Variants in MGMT observed in about 807,000 individuals in gnomAD.
The protein encoded by MGMT is O-6-methylguanine-DNA methyltransferase.
In MGMT, 14 loss-of-function variants were observed where a neutral mutation model predicts 15.9. That is an observed-to-expected ratio of 0.88 (90% confidence interval 0.58 to 1.37). The LOEUF (loss-of-function observed/expected upper bound fraction) is 1.37, where lower values mean the gene tolerates loss of function less well. MGMT is among the 40% of genes most tolerant of loss of function. The probability of loss-of-function intolerance (pLI) is 0.00; values close to 1 mark genes in which losing one functional copy is unlikely to be tolerated. For missense variants in MGMT, 282 were observed against 268.1 expected, an observed-to-expected ratio of 1.05 and a Z score of -0.36; for synonymous variants, 130 against 118.2, an observed-to-expected ratio of 1.10 and a Z score of -0.65.
intron 2 of MGMT, among the ~76,000 whole-genome samples, chr10:129,692,820 T>A (rs1847984742): frequency 6.6e-6 from 1 of 152,192 alleles, no homozygotes; most frequent in Admixed American, 6.5e-5. Flanking sequence ...ACAGGCTGTC[T>A]TTGGAGCAGT....
At chr10:129,605,992 G>A (rs1454960247) in intron 2 of MGMT, among the ~76,000 whole-genome samples, 1 of 152,082 alleles carries the variant, frequency 6.6e-6, no homozygotes, top group Non-Finnish European at 1.5e-5. Context: ...GATTTGTTGT[G>A]GGATTTGTGA....
At chr10:129,523,952 C>T (rs1156628200) in intron 1 of MGMT, among the ~76,000 whole-genome samples, 1 of 152,186 alleles carries the variant, frequency 6.6e-6, no homozygotes, top group Non-Finnish European at 1.5e-5. Flanking sequence ...TTGGAAGTGT[C>T]CGCTCAGACA....
chr10:129,523,378 T>A (rs1845834066), intron 1 of MGMT, among the ~76,000 whole-genome samples: 1 of 150,632 alleles, frequency 6.6e-6, no homozygotes, highest in Admixed American at 6.7e-5. Context: ...AGGGAAAACA[T>A]GGTGTTCTCT....
chr10:129,681,984 A>G (rs1847858309), intron 2 of MGMT, among the ~76,000 whole-genome samples: 1 of 152,204 alleles, frequency 6.6e-6, no homozygotes, highest in Non-Finnish European at 1.5e-5. Flanking sequence ...AGCACAGGAA[A>G]CAATGTTTAT....
At chr10:129,544,198 A>G (rs997546071) in intron 2 of MGMT, among the ~76,000 whole-genome samples, 3 of 152,180 alleles carry the variant, frequency 2.0e-5, no homozygotes, top group Non-Finnish European at 4.4e-5. Context: ...ATGAGGAGGA[A>G]ACATGGAACC....
At chr10:129,487,909 AGGG>A (rs759921331) in intron 1 of MGMT, among the ~76,000 whole-genome samples, 2 of 125,374 alleles carry the variant, frequency 1.6e-5, no homozygotes, top group East Asian at 6.4e-4. Flanking sequence ...TATACCATAT[AGGG>A]GTGTGTGTGT....
At chr10:129,636,319 A>T (rs1847264529) in intron 2 of MGMT, among the ~76,000 whole-genome samples, 1 of 152,190 alleles carries the variant, frequency 6.6e-6, no homozygotes, top group Non-Finnish European at 1.5e-5. Context: ...AGTGGAACAC[A>T]TTCACGTATA....
rs376050590 is a variant in MGMT at position 129,712,696 on chromosome 10, G to A, written c.274+4653G>A. On this transcript the variant is annotated intron_variant, in intron 3 of 4. Transcript: ENST00000651593. ...TTGGGTCCTGGAAGGGGCATGTCCC[G>A]GGAGAGGATGACGAGGGAGGAGAGG... is the stretch of plus-strand genomic sequence containing the variant. Among the ~76,000 whole-genome samples, 15 of 152,250 alleles carry A rather than the reference G, an allele frequency of 9.9e-5. No homozygotes were observed. In the East Asian group the frequency reaches 1.5e-3, roughly 16 times the overall value.
chr10:129,576,263 G>T (rs1305059643), intron 2 of MGMT, among the ~76,000 whole-genome samples: 1 of 152,150 alleles, frequency 6.6e-6, no homozygotes, highest in Non-Finnish European at 1.5e-5. Context: ...TATCCTTGAT[G>T]AACATTGATG....
chr10:129,569,193 G>A (rs1282884552), intron 2 of MGMT, among the ~76,000 whole-genome samples: 1 of 152,112 alleles, frequency 6.6e-6, no homozygotes, highest in East Asian at 1.9e-4. Context: ...TCTCATGCCT[G>A]CCTCGCAGGT....
chr10:129,517,474 C>T (rs1354573715), intron 1 of MGMT, among the ~76,000 whole-genome samples: 1 of 152,210 alleles, frequency 6.6e-6, no homozygotes, highest in Non-Finnish European at 1.5e-5. Flanking sequence ...CATTTGATGG[C>T]TCTGGCAACT....
intron 1 of MGMT, among the ~76,000 whole-genome samples, chr10:129,529,883 C>T (rs1370884804): frequency 6.6e-6 from 1 of 150,650 alleles, no homozygotes; most frequent in Non-Finnish European, 1.5e-5. Context: ...GTATAGCTCT[C>T]ATTTTTCTTT....
intron 2 of MGMT, among the ~76,000 whole-genome samples, chr10:129,651,222 C>T (rs1296052004): frequency 6.6e-6 from 1 of 152,158 alleles, no homozygotes; most frequent in Admixed American, 6.5e-5. Context: ...AGCTCAGGTC[C>T]CGTCTTGGCC....
chr10:129,501,848 G>A (rs983405363), intron 1 of MGMT, among the ~76,000 whole-genome samples: 4 of 152,074 alleles, frequency 2.6e-5, no homozygotes, highest in Admixed American at 2.6e-4. Context: ...CCCTTTGCTG[G>A]ATGTGCAGGA....
intron 4 of MGMT, among the ~76,000 whole-genome samples, chr10:129,764,829 G>A (rs1397033776): frequency 6.6e-6 from 1 of 152,208 alleles, no homozygotes; most frequent in African/African-American, 2.4e-5. Flanking sequence ...GGGCAGCCAT[G>A]TGTGAGGGCC....
chr10:129,718,091 G>A (rs1425097711), intron 3 of MGMT, among the ~76,000 whole-genome samples: 1 of 152,226 alleles, frequency 6.6e-6, no homozygotes, highest in Non-Finnish European at 1.5e-5. Context: ...CCAACGTGGG[G>A]ACACTTGACT....
rs1023094643 is a variant in MGMT at position 129,511,808 on chromosome 10, C to T, written c.-12-24433C>T. The stretch of plus-strand genomic sequence containing the variant: ...CCTAGAGCCCCCCTATGCAAAGTGG[C>T]GTCTGGGCTGGCAGCATCACCTGGG... On this transcript the variant is annotated intron_variant, in intron 1 of 4. Coordinates refer to ENST00000651593, the MANE Select transcript of MGMT (RefSeq NM_002412.5). Among the ~76,000 whole-genome samples, 17 of 152,288 alleles carry T rather than the reference C, an allele frequency of 1.1e-4. 1 individual carries two copies. The highest frequency in any genetic ancestry group is 3.6e-4 in the African/African-American group (15 of 41,570).
intron 2 of MGMT, among the ~76,000 whole-genome samples, chr10:129,554,771 G>C (rs1440259140): frequency 6.6e-6 from 1 of 152,132 alleles, no homozygotes; most frequent in Non-Finnish European, 1.5e-5. Flanking sequence ...CTTGTACTTA[G>C]ACCCTTCACT....
chr10:129,673,173 A>AG (rs1298365869), intron 2 of MGMT, among the ~76,000 whole-genome samples: 1 of 152,172 alleles, frequency 6.6e-6, no homozygotes, highest in African/African-American at 2.4e-5. Context: ...ATCCCAGGGT[A>AG]GGGGCAGCTC....
Sources: gnomAD v4.1 joint callset for allele counts (sites outside exome capture counted in the v4.1 genomes callset) on GRCh38, gnomAD v4.1.1 for gene constraint, MANE v1.5 for transcripts, NCBI Gene and HGNC (gene_info 2026-07-23, HGNC 2026-07-21) for gene names.